NUFIP2: variants seen among roughly 807,000 people sequenced by gnomAD.
The protein encoded by NUFIP2 is FMR1-interacting protein NUFIP2.
Under a neutral mutation model 56.9 loss-of-function variants are expected in NUFIP2, and 6 were observed. The observed-to-expected ratio is 0.11, with a 90% CI of 0.06 to 0.21. NUFIP2 has a LOEUF of 0.21. NUFIP2 is among the 10% of genes least tolerant of loss of function. NUFIP2 has a pLI of 1.00. For missense variants in NUFIP2, 828 were observed against 826.8 expected, an observed-to-expected ratio of 1.00 and a Z score of -0.02; for synonymous variants, 321 against 298.2, an observed-to-expected ratio of 1.08 and a Z score of -0.79.
In NUFIP2 at chr17:29,259,687, A is replaced by G. The variant is rs1327956532; in HGVS notation, c.*4852T>C. On this transcript the variant is annotated 3_prime_UTR_variant, in exon 4 of 4. Transcript: ENST00000225388. ...TAGGGAAGTCTGAATCAGCAATCCC[A>G]TCACATATGAGGACGGCCATTCCAT... The G allele has an allele frequency of 1.3e-5, 2 of 152,006 alleles. No homozygotes were observed. Among genetic ancestry groups the G allele is most frequent in the East Asian group, 3.9e-4 (2 of 5,184 alleles). The allele number at this position is 152,006 out of a possible 1,614,324, so 9.4% of individuals were successfully genotyped here. A position where few individuals can be genotyped will look rare whatever the true frequency, so the allele number is the denominator to read the frequency against.
At chr17:29,291,773 G>T (rs1193961576) in intron 1 of NUFIP2, among the ~76,000 whole-genome samples, 1 of 152,172 alleles carries the variant, frequency 6.6e-6, no homozygotes, top group Non-Finnish European at 1.5e-5. Context: ...TAGTTATATA[G>T]TCCCTAACAG....
In NUFIP2 at chr17:29,287,085, G is replaced by C; in HGVS notation, c.909C>G (p.Ser303Arg). ...KPAVGDMLRK[S>R]SDSKPGVSSK... ...TGCTCACACCAGGTTTACTATCTGA[G>C]CTTTTCCGAAGCATATCACCCACAG... Residue 303 changes from serine to arginine, a missense_variant, in exon 2 of 4, where the codon AGC (serine) becomes AGG (arginine). Coordinates refer to ENST00000225388, the MANE Select transcript of NUFIP2 (RefSeq NM_020772.3). The C allele has an allele frequency of 1.9e-6, 3 of 1,614,166 alleles. No individual in the cohort carries two copies. The highest frequency in any genetic ancestry group is 2.5e-6 in the Non-Finnish European group (3 of 1,180,044).
intron 1 of NUFIP2, among the ~76,000 whole-genome samples, chr17:29,292,232 T>C (rs2069218762): frequency 6.6e-6 from 1 of 152,088 alleles, no homozygotes; most frequent in Non-Finnish European, 1.5e-5. Context: ...AAGATGGTAG[T>C]AGTCTAACCT....
chr17:29,276,893 T>G (rs1450807975), intron 2 of NUFIP2, among the ~76,000 whole-genome samples: 1 of 152,202 alleles, frequency 6.6e-6, no homozygotes, highest in Non-Finnish European at 1.5e-5. Flanking sequence ...CAATTTCATA[T>G]AGTCAAACTG....
intron 2 of NUFIP2, among the ~76,000 whole-genome samples, chr17:29,282,453 C>G (rs1023572323): frequency 2.6e-5 from 4 of 151,260 alleles, no homozygotes; most frequent in African/African-American, 4.9e-5. Flanking sequence ...GAGGCTGAGG[C>G]AGGAGAATCG....
rs1016428621 is a variant in NUFIP2, at chr17:29,264,384, T to C, written c.*155A>G. The C allele has an allele frequency of 4.5e-6, 1 of 220,940 alleles. No individual in the cohort carries two copies. 13.7% of individuals were successfully genotyped at this position (220,940 alleles called of 1,614,324 possible). On this transcript the variant is annotated 3_prime_UTR_variant, in exon 4 of 4. Transcript: ENST00000225388. ...TGCCTTTTTTAAATAACTATATATA[T>C]ATATATGTATATATATATATTTGTA... is the stretch of plus-strand genomic sequence containing the variant.
chr17:29,273,519 CACACACAG>C (rs1435370317), intron 2 of NUFIP2, among the ~76,000 whole-genome samples: 1 of 148,442 alleles, frequency 6.7e-6, no homozygotes. Context: ...CACACACACA[CACACACAG>C]ACACACAGCA....
At position 29,259,297 on chromosome 17, in the gene NUFIP2, C is replaced by T. The variant is rs1423987849; in HGVS notation, c.*5242G>A. On this transcript the variant is annotated 3_prime_UTR_variant, in exon 4 of 4. Coordinates refer to ENST00000225388, the MANE Select transcript of NUFIP2 (RefSeq NM_020772.3). ...TTAATAAGGCTGTAGAAAAGAGATA[C>T]TTGGCCGGGCACGGTGGCTCACACC... is the stretch of plus-strand genomic sequence containing the variant. 1.3e-5 allele frequency: 2 copies of T among 152,122 alleles called. No homozygotes were observed. The highest frequency in any genetic ancestry group is 4.8e-5 in the African/African-American group (2 of 41,432). The allele number at this position is 152,122 out of a possible 1,614,324, so 9.4% of individuals were successfully genotyped here. A position where few individuals can be genotyped will look rare whatever the true frequency, so the allele number is the denominator to read the frequency against.
chr17:29,292,775 C>T (rs1489226387), intron 1 of NUFIP2, among the ~76,000 whole-genome samples: 1 of 149,712 alleles, frequency 6.7e-6, no homozygotes, highest in African/African-American at 2.4e-5. Context: ...CAGGCCGCTC[C>T]CCTCGTGGCC....
intron 3 of NUFIP2, among the ~76,000 whole-genome samples, chr17:29,265,711 TAAAA>T (rs35098158): frequency 8.9e-6 from 1 of 112,152 alleles, no homozygotes; most frequent in Non-Finnish European, 1.8e-5. Flanking sequence ...TATACATGCT[TAAAA>T]AAAAAAAAAA....
chr17:29,263,110 G>C lies in NUFIP2; in HGVS notation c.*1429C>G, dbSNP rs1598428518. 1 of 152,504 alleles carries C rather than the reference G, an allele frequency of 6.6e-6. No homozygotes were observed. The highest frequency in any genetic ancestry group is 1.5e-5 in the Non-Finnish European group (1 of 68,026). The allele number at this position is 152,504 out of a possible 1,614,324, so 9.4% of individuals were successfully genotyped here. ...GACATACATGGATATACTAATTTCTGTGTGTGTGATGTGATGCTGTGTCAG... is the reference window on the plus strand; with the variant it reads ...GACATACATGGATATACTAATTTCTCTGTGTGTGATGTGATGCTGTGTCAG... On this transcript the variant is annotated 3_prime_UTR_variant, in exon 4 of 4. Coordinates refer to ENST00000225388, the MANE Select transcript of NUFIP2 (RefSeq NM_020772.3).
Position 29,274,022 on chromosome 17 carries a change from A to G in NUFIP2, c.2003-6492T>C, listed in dbSNP as rs556139215. Among the ~76,000 whole-genome samples, 39 of 152,306 alleles carry G rather than the reference A, an allele frequency of 2.6e-4. 1 individual carries two copies. In the South Asian group the frequency reaches 7.5e-3, roughly 29 times the overall value. On this transcript the variant is annotated intron_variant, in intron 2 of 3. Coordinates refer to ENST00000225388, the MANE Select transcript of NUFIP2 (RefSeq NM_020772.3). Reference sequence around the variant, plus strand: ...GCTCAGGGTATAGATGCAAAACCAAAGAGTCTGCCCTCTGTGAGCTTACTC... The same window carrying G: ...GCTCAGGGTATAGATGCAAAACCAAGGAGTCTGCCCTCTGTGAGCTTACTC...
rs548988349 is a variant in NUFIP2 at position 29,257,905 on chromosome 17, A to T, written c.*6634T>A. ...CAAAAAAGATACAACAAAAAAAGTA[A>T]ATCACTTCCCCAGCTTATAAAATAG... On this transcript the variant is annotated 3_prime_UTR_variant, in exon 4 of 4. Transcript: ENST00000225388. 6.6e-6 allele frequency: 1 copy of T among 152,136 alleles called. No individual in the cohort carries two copies. The highest frequency in any genetic ancestry group is 2.4e-5 in the African/African-American group (1 of 41,408). 9.4% of individuals were successfully genotyped at this position (152,136 alleles called of 1,614,324 possible).
chr17:29,273,268 G>A (rs1170790337), intron 2 of NUFIP2, among the ~76,000 whole-genome samples: 1 of 152,010 alleles, frequency 6.6e-6, no homozygotes, highest in African/African-American at 2.4e-5. Context: ...TGGAACTCCT[G>A]ACCTCGTGAT....
chr17:29,293,276 C>A (rs1202763976), intron 1 of NUFIP2, among the ~76,000 whole-genome samples: 1 of 151,470 alleles, frequency 6.6e-6, no homozygotes, highest in Non-Finnish European at 1.5e-5. Context: ...CACAGGTGGG[C>A]TTGGGGTGGC....
intron 1 of NUFIP2, among the ~76,000 whole-genome samples, chr17:29,291,056 AAAG>A (rs1338869487): frequency 9.9e-5 from 15 of 151,322 alleles, no homozygotes; most frequent in African/African-American, 3.4e-4. Context: ...AAAAAAAAGA[AAAG>A]AAAATCTTGT....
intron 1 of NUFIP2, among the ~76,000 whole-genome samples, chr17:29,287,997 CTCTCA>C (rs1348537515): frequency 6.6e-6 from 1 of 152,158 alleles, no homozygotes; most frequent in Non-Finnish European, 1.5e-5. Flanking sequence ...TGCCAAATAC[CTCTCA>C]TCTAACAGAA....
At chr17:29,271,199 C>CTA (rs2069070194) in intron 2 of NUFIP2, among the ~76,000 whole-genome samples, 1 of 152,014 alleles carries the variant, frequency 6.6e-6, no homozygotes, top group Admixed American at 6.6e-5. Context: ...TATGATGTAC[C>CTA]TATAAAACTA....
intron 2 of NUFIP2, among the ~76,000 whole-genome samples, chr17:29,270,718 G>C (rs780314615): frequency 1.3e-4 from 20 of 152,002 alleles, no homozygotes; most frequent in Non-Finnish European, 2.5e-4. Context: ...AGTGGCTCAC[G>C]CCTGTAATCC....
Sources: gnomAD v4.1 joint callset for allele counts (sites outside exome capture counted in the v4.1 genomes callset) on GRCh38, gnomAD v4.1.1 for gene constraint, MANE v1.5 for transcripts, NCBI Gene and HGNC (gene_info 2026-07-23, HGNC 2026-07-21) for gene names.